Variants in ZNF804B observed in about 807,000 individuals in gnomAD.
ZNF804B encodes the protein zinc finger 804B.
In ZNF804B, 80 loss-of-function variants were observed where a neutral mutation model predicts 101.4. That is an observed-to-expected ratio of 0.79 (90% CI 0.66 to 0.95). ZNF804B has a LOEUF of 0.95. ZNF804B is among the 40% of genes least tolerant of loss of function. ZNF804B has a pLI of 0.00. For synonymous variants in ZNF804B, 622 were observed against 558.8 expected, an observed-to-expected ratio of 1.11 and a Z score of -1.59; for missense variants, 1,673 against 1,561.9, an observed-to-expected ratio of 1.07 and a Z score of -1.20.
intron 1 of ZNF804B, among the ~76,000 whole-genome samples, chr7:89,077,931 C>A (rs899858620): frequency 2.7e-4 from 41 of 152,046 alleles, no homozygotes; most frequent in African/African-American, 9.2e-4. Flanking sequence ...TGTGCTCACT[C>A]TTATTCAGGT....
intron 1 of ZNF804B, among the ~76,000 whole-genome samples, chr7:88,767,823 G>A (rs1288233090): frequency 2.6e-5 from 4 of 152,154 alleles, no homozygotes; most frequent in Admixed American, 6.5e-5. Flanking sequence ...TGACATGTTC[G>A]CAGATGTTTC....
chr7:88,854,564 TTC>T (rs1320607885), intron 1 of ZNF804B, among the ~76,000 whole-genome samples: 1 of 130,454 alleles, frequency 7.7e-6, no homozygotes, highest in Non-Finnish European at 1.6e-5. Context: ...CCTTCCTTCC[TTC>T]CTTCCTTCCT....
At chr7:89,035,999 GAT>G (rs1387138444) in intron 1 of ZNF804B, among the ~76,000 whole-genome samples, 4 of 131,492 alleles carry the variant, frequency 3.0e-5, no homozygotes, top group Non-Finnish European at 4.9e-5. Flanking sequence ...TATATTATAT[GAT>G]ATATTAATAT....
intron 2 of ZNF804B, among the ~76,000 whole-genome samples, chr7:89,228,350 C>T (rs944685158): frequency 6.6e-6 from 1 of 152,106 alleles, no homozygotes; most frequent in African/African-American, 2.4e-5. Flanking sequence ...CTTTTATTCT[C>T]TTATCTGGCC....
At chr7:89,032,503 CTTCA>C (rs1788854076) in intron 1 of ZNF804B, among the ~76,000 whole-genome samples, 1 of 151,946 alleles carries the variant, frequency 6.6e-6, no homozygotes, top group Admixed American at 6.6e-5. Flanking sequence ...ACTTTCTTTT[CTTCA>C]TTTCAGAATA....
intron 1 of ZNF804B, among the ~76,000 whole-genome samples, chr7:89,004,834 C>A (rs796101792): frequency 8.6e-5 from 13 of 152,030 alleles, no homozygotes; most frequent in African/African-American, 3.1e-4. Flanking sequence ...GGGCCACCAT[C>A]TTCATTTTTC....
rs192666881 is a variant in ZNF804B, at chr7:89,153,743, T to C, written c.109-64412T>C. Among the ~76,000 whole-genome samples the C allele has an allele frequency of 1.6e-3, 242 of 152,228 alleles. 1 individual carries two copies. The highest frequency in any genetic ancestry group is 5.4e-3 in the African/African-American group (225 of 41,550). ...AGTTCTTTGCTTGCTTCTACTTGTATCTCTCCTCTGAGACTGTTCTATTGA... is the reference window on the plus strand; with the variant it reads ...AGTTCTTTGCTTGCTTCTACTTGTACCTCTCCTCTGAGACTGTTCTATTGA... On this transcript the variant is annotated intron_variant, in intron 1 of 3. Coordinates refer to ENST00000333190, the MANE Select transcript of ZNF804B (RefSeq NM_181646.5).
At chr7:89,270,803 T>C (rs895919577) in intron 2 of ZNF804B, among the ~76,000 whole-genome samples, 11 of 152,190 alleles carry the variant, frequency 7.2e-5, no homozygotes, top group Non-Finnish European at 1.2e-4. Flanking sequence ...GTTGGATTCC[T>C]AGATATTTTA....
intron 1 of ZNF804B, among the ~76,000 whole-genome samples, chr7:88,876,432 A>G (rs1004391896): frequency 5.3e-4 from 80 of 152,288 alleles, no homozygotes; most frequent in African/African-American, 1.9e-3. Context: ...TAAAACTATA[A>G]TGCTTATTCC....
intron 1 of ZNF804B, among the ~76,000 whole-genome samples, chr7:89,139,935 C>T (rs1422559417): frequency 6.6e-6 from 1 of 152,004 alleles, no homozygotes; most frequent in East Asian, 1.9e-4. Context: ...TTACCTTGCT[C>T]ACATCCATCA....
At chr7:89,064,389 T>C (rs936176618) in intron 1 of ZNF804B, among the ~76,000 whole-genome samples, 5 of 152,184 alleles carry the variant, frequency 3.3e-5, no homozygotes, top group East Asian at 1.9e-4. Context: ...GTATAACCCG[T>C]GTCTACCATA....
chr7:89,219,528 A>G (rs1704391270), intron 2 of ZNF804B, among the ~76,000 whole-genome samples: 1 of 151,690 alleles, frequency 6.6e-6, no homozygotes, highest in Admixed American at 6.6e-5. Flanking sequence ...TGCCTAAATT[A>G]CCTACTCTCC....
At chr7:89,097,290 T>C (rs1225593582) in intron 1 of ZNF804B, among the ~76,000 whole-genome samples, 1 of 152,222 alleles carries the variant, frequency 6.6e-6, no homozygotes, top group African/African-American at 2.4e-5. Flanking sequence ...TACTTGTACA[T>C]GGCTCACAGA....
chr7:88,947,629 C>G (rs970297154), intron 1 of ZNF804B, among the ~76,000 whole-genome samples: 1 of 151,646 alleles, frequency 6.6e-6, no homozygotes, highest in Admixed American at 6.6e-5. Flanking sequence ...CCTAACAAAC[C>G]TGCATGTTCT....
At chr7:88,963,522 A>C (rs1317752599) in intron 1 of ZNF804B, among the ~76,000 whole-genome samples, 2 of 151,388 alleles carry the variant, frequency 1.3e-5, no homozygotes, top group Non-Finnish European at 3.0e-5. Flanking sequence ...TCATATACAC[A>C]AATTGACTCG....
chr7:89,296,446 G>C (rs1790385790), intron 2 of ZNF804B, among the ~76,000 whole-genome samples: 1 of 151,900 alleles, frequency 6.6e-6, no homozygotes, highest in Non-Finnish European at 1.5e-5. Flanking sequence ...TGTCTTGTTA[G>C]AGAGTCTTTG....
At chr7:88,931,151 T>C (rs1043240148) in intron 1 of ZNF804B, among the ~76,000 whole-genome samples, 7 of 151,946 alleles carry the variant, frequency 4.6e-5, no homozygotes, top group African/African-American at 1.4e-4. Context: ...TAAACTTTCC[T>C]GAGAAAGATA....
chr7:88,790,327 G>A (rs2115681074), intron 1 of ZNF804B, among the ~76,000 whole-genome samples: 1 of 151,968 alleles, frequency 6.6e-6, no homozygotes, highest in East Asian at 1.9e-4. Flanking sequence ...TTTTTACGTA[G>A]GTAAATGTAT....
intron 1 of ZNF804B, among the ~76,000 whole-genome samples, chr7:88,921,727 T>C (rs951605529): frequency 1.3e-5 from 2 of 152,054 alleles, no homozygotes; most frequent in African/African-American, 4.8e-5. Context: ...TCCCCAGTAA[T>C]AGGTAGAAAA....
Sources: allele counts gnomAD v4.1 joint callset (sites outside exome capture counted in the v4.1 genomes callset), GRCh38; gene constraint gnomAD v4.1.1; transcripts MANE v1.5; gene names NCBI Gene and HGNC (gene_info 2026-07-23, HGNC 2026-07-21).